Variants in XIRP2 observed in about 807,000 individuals in gnomAD.
XIRP2 encodes xin actin binding repeat containing 2.
In XIRP2, 236 loss-of-function variants were observed where a neutral mutation model predicts 277.0. The ratio of observed to expected loss-of-function variants is 0.85; its 90% CI spans 0.77 to 0.95. The LOEUF (loss-of-function observed/expected upper bound fraction) is 0.95, where lower values mean the gene tolerates loss of function less well. Ranked by LOEUF, XIRP2 falls within the 40% of genes least tolerant of loss-of-function variation. The probability of loss-of-function intolerance (pLI) is 0.00; values close to 1 mark genes in which losing one functional copy is unlikely to be tolerated. For synonymous variants in XIRP2, 1,490 were observed against 1,416.5 expected, an observed-to-expected ratio of 1.05 and a Z score of -1.17; for missense variants, 4,640 against 4,157.5, an observed-to-expected ratio of 1.12 and a Z score of -3.19.
intron 2 of XIRP2, among the ~76,000 whole-genome samples, chr2:167,118,929 G>T (rs1381583190): frequency 6.6e-6 from 1 of 152,168 alleles, no homozygotes; most frequent in East Asian, 1.9e-4. Flanking sequence ...AGGAAAAGCA[G>T]GAGAGTGCAG....
intron 3 of XIRP2, among the ~76,000 whole-genome samples, chr2:167,200,481 G>A (rs1159486381): frequency 1.3e-5 from 2 of 152,234 alleles, no homozygotes; most frequent in African/African-American, 2.4e-5. Context: ...ACAGTGTAAC[G>A]TGCTAGAGTG....
rs1688325345 is a variant in XIRP2 at position 167,030,849 on chromosome 2, A to G, written c.409-105060A>G. 1.3e-5 allele frequency among the ~76,000 whole-genome samples: 2 copies of G among 152,218 alleles called. 1 individual carries two copies. The highest frequency in any genetic ancestry group is 4.1e-4 in the South Asian group (2 of 4,826). On this transcript the variant is annotated intron_variant, in intron 2 of 10. Coordinates refer to ENST00000409195, the MANE Select transcript of XIRP2 (RefSeq NM_152381.6). The stretch of plus-strand genomic sequence containing the variant: ...TAAGTCTCTTCATAGGTCTCTAAGA[A>G]CTTGCTTTATGAATCTGGGTGTTCC...
At chr2:166,936,353 T>G (rs1043276955) in intron 2 of XIRP2, among the ~76,000 whole-genome samples, 14 of 152,340 alleles carry the variant, frequency 9.2e-5, no homozygotes, top group Middle Eastern at 3.4e-3. Context: ...TTTCTCCCAT[T>G]CTGTAGGTTG....
At chr2:167,091,899 A>G (rs79659976) in intron 2 of XIRP2, among the ~76,000 whole-genome samples, 2,185 of 152,192 alleles carry the variant, frequency 0.014, 62 homozygotes, top group African/African-American at 0.05. Flanking sequence ...TTTAGTTTGT[A>G]GCACTTCAGG....
At chr2:167,017,974 A>T (rs140002166) in intron 2 of XIRP2, among the ~76,000 whole-genome samples, 97 of 152,100 alleles carry the variant, frequency 6.4e-4, no homozygotes, top group African/African-American at 2.2e-3. Context: ...ACTAATGATG[A>T]GTTATTACCT....
At chr2:167,014,747 C>G (rs1225196964) in intron 2 of XIRP2, among the ~76,000 whole-genome samples, 1 of 151,760 alleles carries the variant, frequency 6.6e-6, no homozygotes, top group Non-Finnish European at 1.5e-5. Context: ...TGATAGCTAA[C>G]ATTCATTAGC....
chr2:167,210,533 T>G (rs183249330), intron 3 of XIRP2, among the ~76,000 whole-genome samples: 1 of 152,354 alleles, frequency 6.6e-6, no homozygotes, highest in East Asian at 1.9e-4. Flanking sequence ...GCTGTTTACC[T>G]AAGTTTATGC....
At chr2:167,026,117 T>G (rs1004600978) in intron 2 of XIRP2, among the ~76,000 whole-genome samples, 23 of 152,304 alleles carry the variant, frequency 1.5e-4, no homozygotes, top group Admixed American at 3.3e-4. Flanking sequence ...ACTCAGGACT[T>G]GCTTTATGAA....
intron 2 of XIRP2, among the ~76,000 whole-genome samples, chr2:167,010,141 A>G (rs1332963887): frequency 6.6e-6 from 1 of 152,106 alleles, no homozygotes; most frequent in Non-Finnish European, 1.5e-5. Flanking sequence ...GTCCTTGCCC[A>G]TGCCTATGTC....
intron 2 of XIRP2, among the ~76,000 whole-genome samples, chr2:167,128,442 C>T (rs11899748): frequency 0.29 from 44,525 of 151,844 alleles, 9,013 homozygotes; most frequent in African/African-American, 0.57. Flanking sequence ...ACGGGAAATA[C>T]AGTGTTGGCG....
Position 167,257,975 on chromosome 2 carries a change from T to C in XIRP2, c.*158T>C, listed in dbSNP as rs768867813. 3 of 1,613,114 alleles carry C rather than the reference T, an allele frequency of 1.9e-6. No homozygotes were observed. The highest frequency in any genetic ancestry group is 4.5e-5 in the East Asian group (2 of 44,812). Reference sequence around the variant, plus strand: ...TGGACATAAGCAGCATAAAGATAGATGGAACTGCAAAAACCAAAGCAGATC... The same window carrying C: ...TGGACATAAGCAGCATAAAGATAGACGGAACTGCAAAAACCAAAGCAGATC... On this transcript the variant is annotated 3_prime_UTR_variant, in exon 11 of 11. Coordinates refer to ENST00000409195, the MANE Select transcript of XIRP2 (RefSeq NM_152381.6).
chr2:167,245,438 G>A lies in XIRP2; in HGVS notation c.4046G>A (p.Gly1349Glu), dbSNP rs1230910460. The change falls in exon 9 of 11, where the codon GGA becomes GAA. Residue 1349 changes from glycine to glutamate, a missense_variant. Physicochemically the swap from Gly to Glu is moderately conservative, Grantham distance 98 (BLOSUM62 -2). Coordinates refer to ENST00000409195, the MANE Select transcript of XIRP2 (RefSeq NM_152381.6). ...GAGGTAATTCATGGAGATGTGCGAGGAACAAGGTGGCTTTTTGAAACAAAG... is the reference window on the plus strand; with the variant it reads ...GAGGTAATTCATGGAGATGTGCGAGAAACAAGGTGGCTTTTTGAAACAAAG... ...KEEVIHGDVR[G>E]TRWLFETKPL... 16 of 1,613,444 alleles carry A rather than the reference G, an allele frequency of 9.9e-6. No homozygotes were observed. Among genetic ancestry groups the A allele is most frequent in the African/African-American group, 2.7e-5 (2 of 74,858 alleles).
At chr2:167,238,637 T>C (rs747229750) in intron 5 of XIRP2, among the ~76,000 whole-genome samples, 29 of 152,172 alleles carry the variant, frequency 1.9e-4, no homozygotes, top group African/African-American at 3.4e-4. Flanking sequence ...CGTTTTAGTA[T>C]ACTATTTTAA....
intron 3 of XIRP2, among the ~76,000 whole-genome samples, chr2:167,154,996 A>C (rs938339585): frequency 9.2e-5 from 14 of 151,910 alleles, no homozygotes; most frequent in Non-Finnish European, 8.8e-5. Context: ...GAAAATCTAG[A>C]AGAAATGGAT....
At chr2:166,999,508 C>T (rs1446669416) in intron 2 of XIRP2, among the ~76,000 whole-genome samples, 1 of 152,064 alleles carries the variant, frequency 6.6e-6, no homozygotes, top group East Asian at 1.9e-4. Flanking sequence ...TGGCAATGTA[C>T]ATGCAACGTA....
intron 2 of XIRP2, among the ~76,000 whole-genome samples, chr2:166,928,453 G>C (rs1211764687): frequency 6.6e-6 from 1 of 152,070 alleles, no homozygotes; most frequent in Non-Finnish European, 1.5e-5. Context: ...ATTTAATTCA[G>C]CTTCCAAGTT....
chr2:167,156,810 A>G (rs1414526546), intron 3 of XIRP2, among the ~76,000 whole-genome samples: 1 of 152,316 alleles, frequency 6.6e-6, no homozygotes, highest in East Asian at 1.9e-4. Flanking sequence ...AAGCTGACCT[A>G]TCAACCTGAA....
chr2:166,941,537 C>G (rs1685717320), intron 2 of XIRP2, among the ~76,000 whole-genome samples: 1 of 152,246 alleles, frequency 6.6e-6, no homozygotes, highest in Admixed American at 6.5e-5. Flanking sequence ...CTGCATCACT[C>G]ACACTGGGAG....
At chr2:166,911,913 T>C (rs923709307) in intron 2 of XIRP2, among the ~76,000 whole-genome samples, 5 of 152,202 alleles carry the variant, frequency 3.3e-5, no homozygotes, top group African/African-American at 1.2e-4. Context: ...AAAATACTTT[T>C]CTTTAAGAAT....
Sources: allele counts gnomAD v4.1 joint callset (sites outside exome capture counted in the v4.1 genomes callset), GRCh38; gene constraint gnomAD v4.1.1; transcripts MANE v1.5; gene names NCBI Gene and HGNC (gene_info 2026-07-23, HGNC 2026-07-21).